The following SPAG16 variants were observed in gnomAD, a reference collection of about 807,000 sequenced individuals.
SPAG16 encodes sperm-associated antigen 16 protein.
SPAG16 carries 86 observed loss-of-function variants against 80.4 expected under a neutral mutation model. The ratio of observed to expected loss-of-function variants is 1.07; its 90% CI spans 0.90 to 1.28. SPAG16 has a LOEUF of 1.28. Among genes scored for constraint, SPAG16 ranks in the 50% most tolerant of loss-of-function variants. The probability of loss-of-function intolerance (pLI) is 0.00; values close to 1 mark genes in which losing one functional copy is unlikely to be tolerated. For missense variants in SPAG16, 870 were observed against 765.3 expected, an observed-to-expected ratio of 1.14 and a Z score of -1.61; for synonymous variants, 294 against 265.9, an observed-to-expected ratio of 1.11 and a Z score of -1.03.
chr2:214,172,851 G>A (rs569265070), intron 15 of SPAG16, among the ~76,000 whole-genome samples: 207 of 152,272 alleles, frequency 1.4e-3, no homozygotes, highest in African/African-American at 4.6e-3. Flanking sequence ...CTGATGGCCA[G>A]TGATGGTGAA....
chr2:214,173,638 C>G (rs896790569), intron 15 of SPAG16, among the ~76,000 whole-genome samples: 1 of 151,918 alleles, frequency 6.6e-6, no homozygotes, highest in Non-Finnish European at 1.5e-5. Context: ...ACGAATTCTA[C>G]CAGAGCTACA....
intron 14 of SPAG16, among the ~76,000 whole-genome samples, chr2:214,131,626 T>TAA (rs11463113): frequency 6.4e-4 from 96 of 149,944 alleles, no homozygotes; most frequent in African/African-American, 2.0e-3. Flanking sequence ...ACTCGGGACT[T>TAA]AAAAAAAAAA....
chr2:213,560,344 CAAT>C (rs2059563869), intron 10 of SPAG16, among the ~76,000 whole-genome samples: 1 of 152,058 alleles, frequency 6.6e-6, no homozygotes, highest in South Asian at 2.1e-4. Context: ...ACAAAAGTCA[CAAT>C]GAGTCATTTT....
intron 14 of SPAG16, among the ~76,000 whole-genome samples, chr2:214,109,466 A>G (rs1369880491): frequency 6.6e-6 from 1 of 152,172 alleles, no homozygotes; most frequent in Non-Finnish European, 1.5e-5. Flanking sequence ...TTCTTTTCCA[A>G]TTAGCTATAA....
At chr2:213,322,343 AAAAAAAAAAAAAAC>A (rs1252272437) in intron 5 of SPAG16, among the ~76,000 whole-genome samples, 3 of 115,694 alleles carry the variant, frequency 2.6e-5, no homozygotes, top group African/African-American at 9.4e-5. Flanking sequence ...GCAAAAAAAA[AAAAAAAAAAAAAAC>A]AAAAAACTCG....
At position 213,426,272 on chromosome 2, in the gene SPAG16, C is replaced by A. The variant is rs76142066; in HGVS notation, c.942+51153C>A. On this transcript the variant is annotated intron_variant, in intron 9 of 15. Transcript: ENST00000331683. ...TTTATGATAATGTTAACCATAGAAACTTTTTATTTAGCCAAATTTACCACT... is the reference window on the plus strand; with the variant it reads ...TTTATGATAATGTTAACCATAGAAAATTTTTATTTAGCCAAATTTACCACT... Among the ~76,000 whole-genome samples the A allele has an allele frequency of 7.6e-3, 1,153 of 151,980 alleles. 26 individuals are homozygous for A. Among genetic ancestry groups the A allele is most frequent in the African/African-American group, 0.027 (1,109 of 41,516 alleles).
At chr2:214,198,110 A>G (rs1406047529) in intron 15 of SPAG16, among the ~76,000 whole-genome samples, 1 of 151,928 alleles carries the variant, frequency 6.6e-6, no homozygotes, top group Non-Finnish European at 1.5e-5. Flanking sequence ...TTTTATTTCA[A>G]TAGTTTTTGG....
At chr2:214,268,748 T>C (rs1227068936) in intron 15 of SPAG16, among the ~76,000 whole-genome samples, 2 of 151,574 alleles carry the variant, frequency 1.3e-5, no homozygotes, top group Non-Finnish European at 3.0e-5. Context: ...CTGAAGGGTG[T>C]GTGTGTGTGT....
intron 1 of SPAG16, among the ~76,000 whole-genome samples, chr2:213,287,609 C>G (rs528074368): frequency 6.6e-6 from 1 of 152,128 alleles, no homozygotes; most frequent in African/African-American, 2.4e-5. Context: ...CATTCTAATA[C>G]TAAGGATTTG....
rs533506759 is a variant in SPAG16 at position 213,352,779 on chromosome 2, A to C, written c.762+2134A>C. On this transcript the variant is annotated intron_variant, in intron 7 of 15. Transcript: ENST00000331683. The stretch of plus-strand genomic sequence containing the variant: ...TTGAATTTTGCACACTACTGTTCAG[A>C]TGTGCAAAGAAATATATCTTTATTA... Among the ~76,000 whole-genome samples the C allele has an allele frequency of 2.6e-5, 4 of 152,306 alleles. No homozygotes were observed. In the East Asian group the frequency reaches 7.7e-4, roughly 29 times the overall value.
chr2:213,659,404 C>T (rs1388974205), intron 10 of SPAG16, among the ~76,000 whole-genome samples: 2 of 151,076 alleles, frequency 1.3e-5, no homozygotes, highest in Non-Finnish European at 2.9e-5. Flanking sequence ...AATGAATATT[C>T]CCTTAATGAA....
intron 9 of SPAG16, among the ~76,000 whole-genome samples, chr2:213,469,570 GTTTT>G (rs34005287): frequency 0.023 from 1,846 of 79,232 alleles, 43 homozygotes; most frequent in African/African-American, 0.072. Flanking sequence ...ACCTCAGCAG[GTTTT>G]TTTTTTTTTT....
intron 12 of SPAG16, among the ~76,000 whole-genome samples, chr2:213,955,945 T>G (rs1167405321): frequency 6.6e-6 from 1 of 151,788 alleles, no homozygotes. Flanking sequence ...GAACCAATTT[T>G]TGGTTTTTAT....
chr2:214,027,156 A>G (rs2125032374), intron 13 of SPAG16, among the ~76,000 whole-genome samples: 3 of 151,764 alleles, frequency 2.0e-5, no homozygotes, highest in Non-Finnish European at 4.4e-5. Flanking sequence ...ATGATAAAAT[A>G]TTAGTATGAT....
chr2:213,761,270 A>T (rs1252644861), intron 10 of SPAG16, among the ~76,000 whole-genome samples: 1 of 152,190 alleles, frequency 6.6e-6, no homozygotes, highest in Non-Finnish European at 1.5e-5. Flanking sequence ...GGGATGAGGA[A>T]ACAGTGCTAA....
At chr2:214,279,799 A>G (rs1234716533) in intron 15 of SPAG16, among the ~76,000 whole-genome samples, 1 of 152,220 alleles carries the variant, frequency 6.6e-6, no homozygotes, top group African/African-American at 2.4e-5. Context: ...GAATTTTAAA[A>G]GATTCAACTC....
intron 10 of SPAG16, among the ~76,000 whole-genome samples, chr2:213,664,795 A>G (rs1397361077): frequency 6.6e-6 from 1 of 151,424 alleles, no homozygotes; most frequent in African/African-American, 2.4e-5. Context: ...CTCTTTCTGA[A>G]ACTTCATATA....
intron 9 of SPAG16, among the ~76,000 whole-genome samples, chr2:213,417,515 T>A (rs2069328160): frequency 6.6e-6 from 1 of 152,252 alleles, no homozygotes; most frequent in Non-Finnish European, 1.5e-5. Context: ...ATTAAATGGC[T>A]ATAACTTGCT....
At chr2:214,025,803 A>G (rs2048098374) in intron 13 of SPAG16, among the ~76,000 whole-genome samples, 1 of 151,544 alleles carries the variant, frequency 6.6e-6, no homozygotes, top group Non-Finnish European at 1.5e-5. Flanking sequence ...TAAAGAAAAT[A>G]CTGTAAAAGA....
Sources: gnomAD v4.1 joint callset for allele counts (sites outside exome capture counted in the v4.1 genomes callset) on GRCh38, gnomAD v4.1.1 for gene constraint, MANE v1.5 for transcripts, NCBI Gene and HGNC (gene_info 2026-07-23, HGNC 2026-07-21) for gene names.